The following NCKAP5 variants were observed in gnomAD, a reference collection of about 807,000 sequenced individuals.
The protein encoded by NCKAP5 is NCK associated protein 5.
In NCKAP5, 92 loss-of-function variants were observed where a neutral mutation model predicts 167.0. The ratio of observed to expected loss-of-function variants is 0.55; its 90% CI spans 0.47 to 0.66. The LOEUF (loss-of-function observed/expected upper bound fraction) is 0.66. NCKAP5 is among the 30% of genes least tolerant of loss of function. The pLI, the probability that NCKAP5 is intolerant of heterozygous loss-of-function variation, is 0.00. For synonymous variants in NCKAP5, 891 were observed against 877.4 expected (o/e 1.02, Z -0.27); for missense variants, 2,378 against 2,315.0 (o/e 1.03, Z -0.56).
chr2:133,159,139 A>G (rs4375918), intron 5 of NCKAP5, among the ~76,000 whole-genome samples: 68,594 of 151,380 alleles, frequency 0.45, 15,719 homozygotes, highest in East Asian at 0.56. Context: ...GCAGCAAAAG[A>G]AGAAGTCAGA....
intron 5 of NCKAP5, among the ~76,000 whole-genome samples, chr2:133,210,178 T>TATAATATAATATAATATAAC (rs1559270974): frequency 1.3e-5 from 2 of 148,186 alleles, no homozygotes; most frequent in African/African-American, 4.9e-5. Context: ...AAATAAATAA[T>TATAATATAATATAATATAAC]ATAATATAAT....
rs1264220298 is a variant in NCKAP5 at position 132,784,032 on chromosome 2, G to A, written c.2779C>T (p.Pro927Ser). Residue 927 changes from proline to serine, a missense_variant, in exon 14 of 20, where the codon CCT (proline) becomes TCT (serine). Around this residue, in one of 3 missense-constraint regions of NCKAP5, gnomAD observed 1,325 missense variants for 1,274.5 expected, o/e 1.04. Transcript: ENST00000409261. ...CTGCCTGGAGGGGGCGGAGGGGAAG[G>A]GGATTTCACCCCTGCCTCCGGCCCA... is the stretch of plus-strand genomic sequence containing the variant. ...GSGPEAGVKSPSPPPPPGRSV... is the reference protein window; with the variant it reads ...GSGPEAGVKSSSPPPPPGRSV... 1 of 1,553,294 alleles carries A rather than the reference G, an allele frequency of 6.4e-7. No individual in the cohort carries two copies. The highest frequency in any genetic ancestry group is 1.4e-5 in the African/African-American group (1 of 72,742).
intron 5 of NCKAP5, among the ~76,000 whole-genome samples, chr2:133,189,947 T>G (rs2085134389): frequency 1.3e-5 from 2 of 152,046 alleles, no homozygotes; most frequent in South Asian, 4.2e-4. Context: ...GAGAAAGAAA[T>G]AAAGGGTATT....
At chr2:133,226,798 C>A (rs1287400404) in intron 4 of NCKAP5, among the ~76,000 whole-genome samples, 1 of 152,154 alleles carries the variant, frequency 6.6e-6, no homozygotes, top group Non-Finnish European at 1.5e-5. Flanking sequence ...GGACTTCAGC[C>A]TCCAGAACTT....
chr2:132,933,442 C>T (rs1397326191), intron 8 of NCKAP5, among the ~76,000 whole-genome samples: 2 of 152,174 alleles, frequency 1.3e-5, no homozygotes, highest in African/African-American at 4.8e-5. Context: ...TTAAATATAT[C>T]TATTAGTTTG....
At chr2:133,231,537 G>T (rs1312965987) in intron 4 of NCKAP5, among the ~76,000 whole-genome samples, 1 of 152,154 alleles carries the variant, frequency 6.6e-6, no homozygotes, top group African/African-American at 2.4e-5. Context: ...ATATAACACA[G>T]ACAGCAAGTT....
At chr2:132,988,750 A>C (rs2077369554) in intron 7 of NCKAP5, among the ~76,000 whole-genome samples, 1 of 152,202 alleles carries the variant, frequency 6.6e-6, no homozygotes. Context: ...TAAAAAACAA[A>C]TGACAAAAGT....
intron 3 of NCKAP5, among the ~76,000 whole-genome samples, chr2:133,304,906 G>A (rs1019220321): frequency 6.6e-6 from 1 of 152,162 alleles, no homozygotes; most frequent in African/African-American, 2.4e-5. Context: ...AAAGACTTTG[G>A]GAGGAGCAGC....
At chr2:132,704,670 G>A (rs367873138) in intron 19 of NCKAP5, among the ~76,000 whole-genome samples, 17 of 152,084 alleles carry the variant, frequency 1.1e-4, no homozygotes, top group African/African-American at 3.4e-4. Flanking sequence ...CATACCTTTC[G>A]TGTCCACATT....
chr2:133,096,104 A>G (rs1020382978), intron 6 of NCKAP5, among the ~76,000 whole-genome samples: 3 of 152,210 alleles, frequency 2.0e-5, no homozygotes, highest in Admixed American at 2.0e-4. Flanking sequence ...AAACTCCATT[A>G]TAATAAAAAT....
intron 11 of NCKAP5, among the ~76,000 whole-genome samples, chr2:132,805,128 T>C (rs1371125524): frequency 1.3e-5 from 2 of 152,142 alleles, no homozygotes. Flanking sequence ...GCAACAATAA[T>C]AGCTGTGAAC....
rs527877490 is a variant in NCKAP5 at position 133,547,464 on chromosome 2, A to T, written c.-62+11586T>A. Among the ~76,000 whole-genome samples, 691 of 152,184 alleles carry T rather than the reference A, an allele frequency of 4.5e-3. 5 individuals are homozygous for T. The highest frequency in any genetic ancestry group is 0.02 in the Middle Eastern group (6 of 294). ...AAAAAGACAGCAGTAACCTCTGCAG[A>T]CTTAAGTGTCCCTGTCTGACAGCTT... On this transcript the variant is annotated intron_variant, in intron 2 of 19. Transcript: ENST00000409261.
chr2:132,891,649 G>A (rs997827380), intron 8 of NCKAP5, among the ~76,000 whole-genome samples: 41 of 152,202 alleles, frequency 2.7e-4, no homozygotes, highest in Non-Finnish European at 5.4e-4. Flanking sequence ...AAAACTGTGT[G>A]TGATTTGGAA....
intron 6 of NCKAP5, among the ~76,000 whole-genome samples, chr2:133,088,996 C>T (rs769200859): frequency 2.0e-5 from 3 of 152,050 alleles, no homozygotes; most frequent in Non-Finnish European, 4.4e-5. Context: ...AGAGGGAAAC[C>T]ACCTTAAATA....
At chr2:132,893,693 T>C (rs1692908020) in intron 8 of NCKAP5, among the ~76,000 whole-genome samples, 1 of 152,164 alleles carries the variant, frequency 6.6e-6, no homozygotes, top group Non-Finnish European at 1.5e-5. Context: ...AGAAGTCAGA[T>C]TCATCATTAC....
chr2:133,588,995 T>C, the NCKAP5 span, among the ~76,000 whole-genome samples: 7 of 152,168 alleles, frequency 4.6e-5, no homozygotes, highest in Admixed American at 3.9e-4. Context: ...GGAGGTCACA[T>C]GGCCATTGCA....
At chr2:133,045,285 T>C (rs1313317489) in intron 6 of NCKAP5, among the ~76,000 whole-genome samples, 1 of 152,034 alleles carries the variant, frequency 6.6e-6, no homozygotes, top group African/African-American at 2.4e-5. Flanking sequence ...ATACATACAG[T>C]ATGTTATCAG....
chr2:133,436,361 T>A (rs1690479052), intron 3 of NCKAP5, among the ~76,000 whole-genome samples: 1 of 152,094 alleles, frequency 6.6e-6, no homozygotes, highest in Admixed American at 6.6e-5. Flanking sequence ...TTTTTCAGAG[T>A]CAGACTGGGA....
intron 4 of NCKAP5, among the ~76,000 whole-genome samples, chr2:133,281,351 GT>G (rs1001663461): frequency 3.9e-5 from 6 of 152,044 alleles, no homozygotes; most frequent in African/African-American, 1.2e-4. Flanking sequence ...GTAAACTTGG[GT>G]TTTTTCAATC....
Sources: allele counts gnomAD v4.1 joint callset (sites outside exome capture counted in the v4.1 genomes callset), GRCh38; gene constraint gnomAD v4.1.1; regional missense constraint gnomAD v4.1.1; transcripts MANE v1.5; gene names NCBI Gene and HGNC (gene_info 2026-07-23, HGNC 2026-07-21).